The following CRPPA variants were observed in gnomAD, a reference collection of about 807,000 sequenced individuals.
CRPPA encodes the protein D-ribitol-5-phosphate cytidylyltransferase.
Under a neutral mutation model 52.0 loss-of-function variants are expected in CRPPA, and 43 were observed. The observed-to-expected ratio is 0.83, with a 90% CI of 0.65 to 1.07. The LOEUF (loss-of-function observed/expected upper bound fraction) is 1.07. Ranked by LOEUF, CRPPA falls within the 50% of genes least tolerant of loss-of-function variation. The pLI is 0.00. For missense variants in CRPPA, 629 were observed against 551.7 expected (o/e 1.14, Z -1.40); for synonymous variants, 250 against 203.5 (o/e 1.23, Z -1.94).
chr7:16,172,144 C>A (rs757640850), intron 9 of CRPPA, among the ~76,000 whole-genome samples: 11 of 152,304 alleles, frequency 7.2e-5, no homozygotes, highest in African/African-American at 1.9e-4. Context: ...ACAAGAAATT[C>A]TTTCCCGATT....
At chr7:16,183,798 T>C (rs1173229676) in intron 9 of CRPPA, among the ~76,000 whole-genome samples, 1 of 152,090 alleles carries the variant, frequency 6.6e-6, no homozygotes, top group East Asian at 1.9e-4. Flanking sequence ...GAGAAGCCAA[T>C]AAGGTTAGGT....
At chr7:16,192,776 C>T (rs1312173815) in intron 9 of CRPPA, among the ~76,000 whole-genome samples, 2 of 152,038 alleles carry the variant, frequency 1.3e-5, no homozygotes, top group Admixed American at 6.6e-5. Context: ...AGCTCAATAC[C>T]CTCTAACAAA....
At chr7:16,096,394 A>C (rs973028337) in intron 9 of CRPPA, among the ~76,000 whole-genome samples, 6 of 152,156 alleles carry the variant, frequency 3.9e-5, no homozygotes, top group African/African-American at 7.2e-5. Flanking sequence ...GACACTAAAA[A>C]ATAGAACTAG....
chr7:16,182,690 G>C (rs908698822), intron 9 of CRPPA, among the ~76,000 whole-genome samples: 2 of 152,208 alleles, frequency 1.3e-5, no homozygotes, highest in African/African-American at 4.8e-5. Context: ...TATCAGCCCT[G>C]ATTCCCCAAT....
intron 9 of CRPPA, among the ~76,000 whole-genome samples, chr7:16,157,075 T>C (rs1301299089): frequency 6.6e-6 from 1 of 152,178 alleles, no homozygotes; most frequent in African/African-American, 2.4e-5. Context: ...CTTAATTCCT[T>C]TGGTAACAAA....
intron 9 of CRPPA, among the ~76,000 whole-genome samples, chr7:16,157,913 C>T (rs1488404601): frequency 6.6e-6 from 1 of 151,368 alleles, no homozygotes; most frequent in Non-Finnish European, 1.5e-5. Context: ...CTCACTCTGT[C>T]GCCCAGGCTG....
Position 16,091,485 on chromosome 7 carries a change from G to A in CRPPA, c.*210C>T, listed in dbSNP as rs1781835768. 1 of 415,890 alleles carries A rather than the reference G, an allele frequency of 2.4e-6. No individual in the cohort carries two copies. The highest frequency in any genetic ancestry group is 3.9e-5 in the South Asian group (1 of 25,912). 25.8% of individuals were successfully genotyped at this position (415,890 alleles called of 1,614,324 possible). ...TTATCTACTATTTTTTTCTGGTTCA[G>A]GCAATTAATATTTGTCATACACAAA... On this transcript the variant is annotated 3_prime_UTR_variant, in exon 10 of 10. Transcript: ENST00000407010.
chr7:16,324,045 G>A (rs148903987), intron 3 of CRPPA, among the ~76,000 whole-genome samples: 3 of 152,308 alleles, frequency 2.0e-5, no homozygotes, highest in African/African-American at 7.2e-5. Context: ...ATGCACTGGC[G>A]ACGTTCTATC....
chr7:16,375,650 G>C (rs1583558305), intron 3 of CRPPA, among the ~76,000 whole-genome samples: 1 of 152,112 alleles, frequency 6.6e-6, no homozygotes, highest in East Asian at 1.9e-4. Context: ...TGCCTGCCTA[G>C]ACTGTTGGTA....
intron 5 of CRPPA, among the ~76,000 whole-genome samples, chr7:16,285,322 C>T (rs953702622): frequency 2.4e-4 from 36 of 152,196 alleles, no homozygotes; most frequent in African/African-American, 8.7e-4. Context: ...TTAGATTTAA[C>T]ATTAAATGAT....
intron 9 of CRPPA, among the ~76,000 whole-genome samples, chr7:16,170,335 A>C (rs1781153667): frequency 6.6e-6 from 1 of 152,186 alleles, no homozygotes; most frequent in Non-Finnish European, 1.5e-5. Context: ...GGTTTCACTG[A>C]CTTGCAAGAA....
intron 9 of CRPPA, among the ~76,000 whole-genome samples, chr7:16,141,883 G>C (rs182534617): frequency 3.9e-5 from 6 of 152,182 alleles, no homozygotes; most frequent in Admixed American, 3.9e-4. Context: ...CCTCTATCCT[G>C]TCACCCTACT....
intron 2 of CRPPA, among the ~76,000 whole-genome samples, chr7:16,376,999 C>T (rs1562663383): frequency 6.6e-6 from 1 of 152,128 alleles, no homozygotes; most frequent in Non-Finnish European, 1.5e-5. Context: ...TTAACCAAAC[C>T]TTATATTTAC....
At chr7:16,128,995 T>C (rs1782632883) in intron 9 of CRPPA, among the ~76,000 whole-genome samples, 1 of 152,194 alleles carries the variant, frequency 6.6e-6, no homozygotes, top group Admixed American at 6.5e-5. Context: ...ATGTATTGCT[T>C]CAAGTATTGT....
intron 3 of CRPPA, among the ~76,000 whole-genome samples, chr7:16,331,647 T>C (rs938816471): frequency 1.4e-4 from 22 of 152,072 alleles, no homozygotes; most frequent in Non-Finnish European, 1.5e-5. Context: ...AGTAGGTAGG[T>C]GGAACTCTTA....
intron 9 of CRPPA, among the ~76,000 whole-genome samples, chr7:16,191,159 T>C (rs1354055834): frequency 1.3e-5 from 2 of 151,832 alleles, no homozygotes; most frequent in African/African-American, 2.4e-5. Context: ...TACCCAGGAG[T>C]GGGATTTCTG....
intron 9 of CRPPA, among the ~76,000 whole-genome samples, chr7:16,111,292 G>T (rs953667501): frequency 1.3e-5 from 2 of 152,068 alleles, no homozygotes; most frequent in African/African-American, 4.8e-5. Flanking sequence ...ATGTTGGCAG[G>T]ATGTGAAGAA....
chr7:16,141,130 T>C (rs1450684724), intron 9 of CRPPA, among the ~76,000 whole-genome samples: 1 of 152,192 alleles, frequency 6.6e-6, no homozygotes, highest in Non-Finnish European at 1.5e-5. Flanking sequence ...GGCTGCCTCC[T>C]GTTTTTTATA....
At chr7:16,283,947 T>G (rs556201978) in intron 5 of CRPPA, among the ~76,000 whole-genome samples, 2 of 152,148 alleles carry the variant, frequency 1.3e-5, no homozygotes, top group East Asian at 3.9e-4. Flanking sequence ...TTTTAAAATT[T>G]TAAACAATTT....
Sources: allele counts gnomAD v4.1 joint callset (sites outside exome capture counted in the v4.1 genomes callset), GRCh38; gene constraint gnomAD v4.1.1; transcripts MANE v1.5; gene names NCBI Gene and HGNC (gene_info 2026-07-23, HGNC 2026-07-21).